CDH7: variants seen among roughly 807,000 people sequenced by gnomAD.
CDH7 encodes the protein cadherin-7.
A neutral mutation model predicts 71.8 loss-of-function variants in CDH7; 25 were observed. That is an observed-to-expected ratio of 0.35 (90% CI 0.25 to 0.49). The LOEUF (loss-of-function observed/expected upper bound fraction) is 0.49, where lower values mean the gene tolerates loss of function less well. CDH7 is among the 20% of genes least tolerant of loss of function. CDH7 has a pLI of 0.99. For synonymous variants in CDH7, 381 were observed against 363.8 expected (o/e 1.05, Z -0.54); for missense variants, 862 against 974.6 (o/e 0.88, Z 1.54).
Position 65,843,958 on chromosome 18 carries a change from G to A in CDH7, c.1128G>A (p.Val376=), listed in dbSNP as rs1428582096. 1.2e-6 allele frequency: 2 copies of A among 1,612,058 alleles called. No individual in the cohort carries two copies. The highest frequency in any genetic ancestry group is 2.2e-5 in the East Asian group (1 of 44,754). Residue 376 remains valine (V), a synonymous_variant, in exon 7 of 12, where the codon GTG becomes GTA. Coordinates refer to ENST00000397968, the MANE Select transcript of CDH7 (RefSeq NM_004361.5). ...TGGAAGATGTAGATGAGCCCCCTGT[G>A]TTCTCTTCACCCTTGTACCCTATGG... The part of the protein sequence containing the change: ...IIVEDVDEPP[V]FSSPLYPMEV...
intron 1 of CDH7, 63 bp downstream of exon 1, chr18:65,751,213 T>G (rs578121603): frequency 6.6e-6 from 1 of 152,510 alleles, no homozygotes; most frequent in South Asian, 2.1e-4. Flanking sequence ...GCCCTTGCTG[T>G]GCGCCTTTGG....
intron 6 of CDH7, among the ~76,000 whole-genome samples, chr18:65,830,200 G>A (rs1458827004): frequency 6.6e-6 from 1 of 152,166 alleles, no homozygotes; most frequent in African/African-American, 2.4e-5. Context: ...AACAGATGAG[G>A]TAATGTAAAT....
chr18:65,843,732 T>G (rs1912819452), intron 6 of CDH7, 80 bp from the exon 7 acceptor site: 1 of 1,301,132 alleles, frequency 7.7e-7, no homozygotes, highest in Non-Finnish European at 1.0e-6. Flanking sequence ...CCTAAGCTTA[T>G]TGACATTCAT....
intron 6 of CDH7, 76 bp downstream of exon 6, chr18:65,824,907 C>G (rs1221712360): frequency 1.0e-6 from 1 of 957,820 alleles, no homozygotes; most frequent in Admixed American, 2.5e-5. Context: ...ATGTACTAGA[C>G]AAACCGAATG....
chr18:65,781,883 TC>T, intron 2 of CDH7, among the ~76,000 whole-genome samples: 1 of 115,860 alleles, frequency 8.6e-6, no homozygotes, highest in Non-Finnish European at 1.7e-5. Flanking sequence ...TCTCTCTGTC[TC>T]TCTCTCTCTT....
intron 2 of CDH7, among the ~76,000 whole-genome samples, chr18:65,776,635 T>A (rs1942833): frequency 1.6e-4 from 25 of 151,872 alleles, no homozygotes; most frequent in African/African-American, 5.8e-4. Flanking sequence ...CTTCTTTCTC[T>A]CTCTTTTTCT....
At chr18:65,870,499 C>T (rs865790821) in intron 11 of CDH7, among the ~76,000 whole-genome samples, 1 of 152,180 alleles carries the variant, frequency 6.6e-6, no homozygotes, top group Middle Eastern at 3.4e-3. Flanking sequence ...GATGCACTTA[C>T]ATGGAATCTA....
chr18:65,869,782 A>T (rs891452760), intron 11 of CDH7, among the ~76,000 whole-genome samples: 1 of 152,106 alleles, frequency 6.6e-6, no homozygotes, highest in Non-Finnish European at 1.5e-5. Flanking sequence ...AGCTAATCAG[A>T]TGCTGATCTG....
chr18:65,874,656 T>C (rs1049667706), intron 11 of CDH7, among the ~76,000 whole-genome samples: 4 of 151,952 alleles, frequency 2.6e-5, no homozygotes, highest in Non-Finnish European at 5.9e-5. Flanking sequence ...GCACTTCTAC[T>C]CCCTAAATAC....
chr18:65,888,156 C>A lies in CDH7; in HGVS notation c.*7262C>A, dbSNP rs1315319874. 3.9e-5 allele frequency: 6 copies of A among 152,036 alleles called. No individual in the cohort carries two copies. Among genetic ancestry groups the A allele is most frequent in the Non-Finnish European group, 7.4e-5 (5 of 68,008 alleles). 9.4% of individuals were successfully genotyped at this position (152,036 alleles called of 1,614,324 possible). A position where few individuals can be genotyped will look rare whatever the true frequency, so the allele number is the denominator to read the frequency against. On this transcript the variant is annotated 3_prime_UTR_variant, in exon 12 of 12. Transcript: ENST00000397968. ...TATCTTTCAGGCAAATAGACTCCTACAATATTCAGTATTGGAGATGTTTAA... is the reference window on the plus strand; with the variant it reads ...TATCTTTCAGGCAAATAGACTCCTAAAATATTCAGTATTGGAGATGTTTAA...
chr18:65,825,811 G>A (rs1303486892), intron 6 of CDH7, among the ~76,000 whole-genome samples: 1 of 151,772 alleles, frequency 6.6e-6, no homozygotes, highest in Non-Finnish European at 1.5e-5. Flanking sequence ...TAGCTAAGCT[G>A]GTGACAATCT....
chr18:65,757,372 T>C (rs1183955415), intron 1 of CDH7, among the ~76,000 whole-genome samples: 1 of 152,170 alleles, frequency 6.6e-6, no homozygotes, highest in Non-Finnish European at 1.5e-5. Flanking sequence ...CTTAAGGGAT[T>C]TTTACCTCTT....
rs1335384752 is a variant in CDH7, at chr18:65,887,169, T to C, written c.*6275T>C. 2.0e-5 allele frequency: 3 copies of C among 152,178 alleles called. No individual in the cohort carries two copies. Among genetic ancestry groups the C allele is most frequent in the South Asian group, 2.1e-4 (1 of 4,832 alleles). 9.4% of individuals were successfully genotyped at this position (152,178 alleles called of 1,614,324 possible). ...GATTCACTACCCTACAGCTTCATGT[T>C]CTAATTTTGTGAGTATAAACCCTAT... On this transcript the variant is annotated 3_prime_UTR_variant, in exon 12 of 12. Transcript: ENST00000397968.
chr18:65,796,547 A>G (rs1350842946), intron 2 of CDH7, among the ~76,000 whole-genome samples: 2 of 152,166 alleles, frequency 1.3e-5, no homozygotes, highest in Non-Finnish European at 2.9e-5. Context: ...GTTTACCCAC[A>G]TTTATTTAGA....
chr18:65,759,845 T>G (rs937980500), intron 1 of CDH7, among the ~76,000 whole-genome samples: 1 of 152,174 alleles, frequency 6.6e-6, no homozygotes, highest in African/African-American at 2.4e-5. Flanking sequence ...TGAACTAAAA[T>G]AAATTTCTCC....
At chr18:65,879,799 T>C (rs1280233192) in intron 11 of CDH7, among the ~76,000 whole-genome samples, 5 of 152,178 alleles carry the variant, frequency 3.3e-5, no homozygotes, top group Non-Finnish European at 5.9e-5. Flanking sequence ...TCTGTAGGTA[T>C]AATGGATAAA....
intron 11 of CDH7, chr18:65,863,282 C>A (rs534565302): frequency 4.3e-6 from 1 of 232,486 alleles, no homozygotes; most frequent in Non-Finnish European, 8.5e-6. Flanking sequence ...AGGTGATCCA[C>A]CCACCTTGGC....
At chr18:65,877,702 G>A (rs1039324973) in intron 11 of CDH7, among the ~76,000 whole-genome samples, 7 of 151,966 alleles carry the variant, frequency 4.6e-5, no homozygotes, top group Admixed American at 2.0e-4. Context: ...TTCATTCCAT[G>A]CTTTACTTAA....
chr18:65,782,667 G>T (rs188458240), intron 2 of CDH7, among the ~76,000 whole-genome samples: 18 of 152,242 alleles, frequency 1.2e-4, no homozygotes, highest in Admixed American at 9.8e-4. Context: ...TGAGACTATG[G>T]TCCCAACGTT....
Sources: gnomAD v4.1 joint callset for allele counts (sites outside exome capture counted in the v4.1 genomes callset) on GRCh38, gnomAD v4.1.1 for gene constraint, MANE v1.5 for transcripts, NCBI Gene and HGNC (gene_info 2026-07-23, HGNC 2026-07-21) for gene names.